ATAD5: variants seen among roughly 807,000 people sequenced by gnomAD.
ATAD5 encodes the protein ATPase family AAA domain-containing protein 5.
In ATAD5, 58 loss-of-function variants were observed where a neutral mutation model predicts 176.9. That is an observed-to-expected ratio of 0.33 (90% CI 0.27 to 0.41). ATAD5 has a LOEUF of 0.41. ATAD5 is among the 10% of genes least tolerant of loss of function. The pLI, the probability that ATAD5 is intolerant of heterozygous loss-of-function variation, is 1.00. For missense variants in ATAD5, 1,789 were observed against 2,094.1 expected (o/e 0.85, Z 2.84); for synonymous variants, 640 against 712.6 (o/e 0.90, Z 1.62).
At chr17:30,888,142 A>T (rs78799101) in intron 19 of ATAD5, among the ~76,000 whole-genome samples, 17,233 of 151,894 alleles carry the variant, frequency 0.11, 1,073 homozygotes, top group South Asian at 0.24. Flanking sequence ...CCAAAAAAAA[A>T]TTTTTTTTAA....
chr17:30,859,600 A>T (rs1054985492), intron 9 of ATAD5, among the ~76,000 whole-genome samples: 2 of 151,944 alleles, frequency 1.3e-5, no homozygotes, highest in African/African-American at 2.4e-5. Context: ...ACCTCAAGTG[A>T]TTCACTCGCC....
chr17:30,857,121 TA>T lies in ATAD5; in HGVS notation c.2793+12del, dbSNP rs1219072278. 6.2e-7 allele frequency: 1 copy of T among 1,603,876 alleles called. No homozygotes were observed. Among genetic ancestry groups the T allele is most frequent in the Non-Finnish European group, 8.5e-7 (1 of 1,177,594 alleles). On this transcript the variant is annotated intron_variant, in intron 8 of 22. Transcript: ENST00000321990. ...GTAACTCTGCTGCTGTGGTAAGTAT[TA>T]AATAGTTCATCCATTGTAGAGTGTT...
intron 3 of ATAD5, among the ~76,000 whole-genome samples, chr17:30,838,409 G>C (rs988667188): frequency 6.6e-6 from 1 of 152,176 alleles, no homozygotes; most frequent in Non-Finnish European, 1.5e-5. Context: ...AGTGTGCTTA[G>C]TACTCACATC....
intron 17 of ATAD5, 129 bp downstream of exon 17, chr17:30,878,225 T>C (rs1013805701): frequency 1.4e-5 from 9 of 636,472 alleles, no homozygotes; most frequent in Non-Finnish European, 2.2e-5. Context: ...TTTGGGTTAC[T>C]ATGTTGGGTA....
At chr17:30,891,903 C>G (rs1205942534) in intron 19 of ATAD5, among the ~76,000 whole-genome samples, 2 of 146,634 alleles carry the variant, frequency 1.4e-5, no homozygotes, top group Non-Finnish European at 3.0e-5. Flanking sequence ...CCAGGATGGT[C>G]TCGAACTTGC....
chr17:30,892,005 C>G (rs1830138679), intron 19 of ATAD5, among the ~76,000 whole-genome samples: 1 of 151,948 alleles, frequency 6.6e-6, no homozygotes, highest in African/African-American at 2.4e-5. Flanking sequence ...CCTCACCTGG[C>G]CTGAAATTAA....
intron 17 of ATAD5, among the ~76,000 whole-genome samples, chr17:30,879,129 G>A (rs1232258351): frequency 6.6e-6 from 1 of 152,014 alleles, no homozygotes; most frequent in African/African-American, 2.4e-5. Flanking sequence ...GAACCTGGGA[G>A]TTTTGAGATC....
Position 30,894,147 on chromosome 17 carries a change from T to G in ATAD5, c.5294T>G (p.Leu1765Ter). The change falls in exon 21 of 23, where the codon TTA becomes TGA. Residue 1765 changes from leucine to a stop codon, truncating the protein, a stop_gained. Coordinates refer to ENST00000321990, the MANE Select transcript of ATAD5 (RefSeq NM_024857.5). LOFTEE classifies it high-confidence loss of function. ...TACTTTAGTCAGTCAGCAGCTAATTTAGAGTAAGTCTTACTTCCTTTACTT... is the reference window on the plus strand; with the variant it reads ...TACTTTAGTCAGTCAGCAGCTAATTGAGAGTAAGTCTTACTTCCTTTACTT... ...NVYFSQSAAN[L>*]DNAWKRISVI... 1 of 1,546,224 alleles carries G rather than the reference T, an allele frequency of 6.5e-7. No individual in the cohort carries two copies.
rs577841546 is a variant in ATAD5 at position 30,841,108 on chromosome 17, C to T, written c.2241+327C>T. ...CACTGCAACTTCTGCCTCCTGGGTT[C>T]GAGCGATTCTCCTGCCTCGGCCTCC... is the stretch of plus-strand genomic sequence containing the variant. On this transcript the variant is annotated intron_variant, in intron 4 of 22. Coordinates refer to ENST00000321990, the MANE Select transcript of ATAD5 (RefSeq NM_024857.5). 9.9e-5 allele frequency among the ~76,000 whole-genome samples: 15 copies of T among 151,860 alleles called. No individual in the cohort carries two copies. The South Asian group carries it at 1.9e-3, about 19-fold the overall frequency.
Position 30,895,036 on chromosome 17 carries a change from T to A in ATAD5, c.*123T>A. On this transcript the variant is annotated 3_prime_UTR_variant, in exon 23 of 23. Coordinates refer to ENST00000321990, the MANE Select transcript of ATAD5 (RefSeq NM_024857.5). ...GTACATTTTAAACAAACAATTTGTA[T>A]ATTTTTTTATTGGCGGGTAAATATT... The A allele has an allele frequency of 3.4e-6, 2 of 581,066 alleles. No homozygotes were observed. Among genetic ancestry groups the A allele is most frequent in the Non-Finnish European group, 5.4e-6 (2 of 369,678 alleles). 36.0% of individuals were successfully genotyped at this position (581,066 alleles called of 1,614,324 possible).
chr17:30,887,856 G>C (rs527481655), intron 19 of ATAD5, among the ~76,000 whole-genome samples: 65 of 152,146 alleles, frequency 4.3e-4, no homozygotes, highest in Middle Eastern at 6.8e-3. Flanking sequence ...TTTTGAGATG[G>C]AGTCTCGCAC....
At chr17:30,892,228 C>T (rs1909674068) in intron 19 of ATAD5, among the ~76,000 whole-genome samples, 1 of 151,570 alleles carries the variant, frequency 6.6e-6, no homozygotes, top group African/African-American at 2.4e-5. Flanking sequence ...AGTTCGAGAT[C>T]AGCCTGGCCA....
intron 18 of ATAD5, among the ~76,000 whole-genome samples, chr17:30,886,642 T>C (rs906010287): frequency 2.6e-5 from 4 of 151,742 alleles, no homozygotes; most frequent in Non-Finnish European, 5.9e-5. Context: ...GCACAGTGGG[T>C]CATGCCTATA....
In ATAD5 at chr17:30,834,839, CTG is replaced by C; in HGVS notation, c.759_760del (p.Glu254SerfsTer6). ...CATGCAAACTCTAGAGATAACGTAA[CTG>C]AAGCAGCCCAGTTAAATGATAGTAT... On this transcript the variant is annotated frameshift_variant, in exon 2 of 23. Coordinates refer to ENST00000321990, the MANE Select transcript of ATAD5 (RefSeq NM_024857.5). LOFTEE classifies it high-confidence loss of function. 6.2e-7 allele frequency: 1 copy of C among 1,613,648 alleles called. No individual in the cohort carries two copies. Among genetic ancestry groups the C allele is most frequent in the Non-Finnish European group, 8.5e-7 (1 of 1,179,830 alleles).
intron 4 of ATAD5, among the ~76,000 whole-genome samples, chr17:30,842,448 G>A (rs1474586053): frequency 6.6e-6 from 1 of 151,944 alleles, no homozygotes; most frequent in Non-Finnish European, 1.5e-5. Context: ...TAAACTATCT[G>A]CTCATGGGCT....
At chr17:30,881,136 T>G (rs1002986316) in intron 18 of ATAD5, among the ~76,000 whole-genome samples, 2 of 151,946 alleles carry the variant, frequency 1.3e-5, no homozygotes, top group Non-Finnish European at 2.9e-5. Flanking sequence ...AAATTAACAT[T>G]GAGTTGCTGG....
chr17:30,845,595 GTAGGACC>G (rs1191597901), intron 6 of ATAD5, among the ~76,000 whole-genome samples: 10 of 152,158 alleles, frequency 6.6e-5, no homozygotes. Context: ...GCCAGCCAAT[GTAGGACC>G]TAGGAGGCCA....
intron 14 of ATAD5, among the ~76,000 whole-genome samples, chr17:30,872,227 C>A (rs1908377205): frequency 6.6e-6 from 1 of 152,102 alleles, no homozygotes; most frequent in Admixed American, 6.6e-5. Flanking sequence ...TTTTTCAGGT[C>A]TTTTAAACTG....
chr17:30,891,749 G>A (rs778349926), intron 19 of ATAD5, among the ~76,000 whole-genome samples: 9 of 151,938 alleles, frequency 5.9e-5, no homozygotes, highest in Non-Finnish European at 1.3e-4. Context: ...GCAGTGGCGT[G>A]ATCTCGGCTC....
Sources: gnomAD v4.1 joint callset for allele counts (sites outside exome capture counted in the v4.1 genomes callset) on GRCh38, gnomAD v4.1.1 for gene constraint, MANE v1.5 for transcripts, NCBI Gene and HGNC (gene_info 2026-07-23, HGNC 2026-07-21) for gene names.